TBCD: variants seen among roughly 807,000 people sequenced by gnomAD.
TBCD encodes tubulin folding cofactor D.
TBCD carries 105 observed loss-of-function variants against 169.3 expected under a neutral mutation model. That is an observed-to-expected ratio of 0.62 (90% CI 0.53 to 0.73). The LOEUF (loss-of-function observed/expected upper bound fraction) is 0.73. Ranked by LOEUF, TBCD falls within the 30% of genes least tolerant of loss-of-function variation. The probability of loss-of-function intolerance (pLI) is 0.00; values close to 1 mark genes in which losing one functional copy is unlikely to be tolerated. For missense variants in TBCD, 1,444 were observed against 1,600.1 expected, an observed-to-expected ratio of 0.90 and a Z score of 1.66; for synonymous variants, 700 against 643.9, an observed-to-expected ratio of 1.09 and a Z score of -1.32.
In TBCD at chr17:82,890,593, C is replaced by A. The variant is rs552193970; in HGVS notation, c.1563+896C>A. On this transcript the variant is annotated intron_variant, in intron 16 of 38. Transcript: ENST00000355528. The surrounding 1 kb of genome is among the most constrained non-coding windows in gnomAD (Gnocchi z 5.3). ...GGAGAGGCGGGCGGACGAGGACTTG[C>A]GCCTGTTATTGAAATGGTTCTGGAG... Among the ~76,000 whole-genome samples, 1 of 152,050 alleles carries A rather than the reference C, an allele frequency of 6.6e-6. No individual in the cohort carries two copies. The highest frequency in any genetic ancestry group is 1.5e-5 in the Non-Finnish European group (1 of 68,008).
At chr17:82,904,749 CG>C (rs2060118935) in intron 19 of TBCD, among the ~76,000 whole-genome samples, 1 of 152,064 alleles carries the variant, frequency 6.6e-6, no homozygotes, top group Non-Finnish European at 1.5e-5. Context: ...TGTGGGGGCT[CG>C]TTCATTCCTA....
chr17:82,768,617 C>A, intron 5 of TBCD, 51 bp downstream of exon 5: 2 of 1,593,008 alleles, frequency 1.3e-6, no homozygotes, highest in South Asian at 1.1e-5. Context: ...CTTTCATGTT[C>A]ATGCTGTCTT....
At chr17:82,827,067 G>A (rs1598741423) in intron 13 of TBCD, among the ~76,000 whole-genome samples, 4 of 152,178 alleles carry the variant, frequency 2.6e-5, no homozygotes, top group Admixed American at 1.3e-4. Flanking sequence ...CACTACGCCC[G>A]GCCCCTATTT....
chr17:82,762,957 A>G (rs903412353), intron 2 of TBCD, among the ~76,000 whole-genome samples: 1 of 152,126 alleles, frequency 6.6e-6, no homozygotes, highest in South Asian at 2.1e-4. Context: ...GTTGTTTTCC[A>G]TGTATGAAGA....
At chr17:82,870,061 G>A (rs1438641801) in intron 13 of TBCD, among the ~76,000 whole-genome samples, 163 bp from the exon 14 acceptor site, 1 of 152,226 alleles carries the variant, frequency 6.6e-6, no homozygotes, top group African/African-American at 2.4e-5. Flanking sequence ...CAGGCCGTGG[G>A]TCTAACAGGA....
intron 11 of TBCD, among the ~76,000 whole-genome samples, chr17:82,808,093 G>C (rs1468107502): frequency 6.6e-6 from 1 of 152,178 alleles, no homozygotes; most frequent in African/African-American, 2.4e-5. Flanking sequence ...ATACCTGTGG[G>C]AGTCGACATG....
chr17:82,836,571 A>G (rs775205302), intron 13 of TBCD, among the ~76,000 whole-genome samples: 3 of 151,882 alleles, frequency 2.0e-5, no homozygotes, highest in Non-Finnish European at 4.4e-5. Flanking sequence ...CATTGCTGAT[A>G]CCTCTAGCGC....
intron 32 of TBCD, 54 bp downstream of exon 32, chr17:82,929,554 G>A (rs1278168641): frequency 3.1e-6 from 5 of 1,595,918 alleles, no homozygotes; most frequent in Non-Finnish European, 3.4e-6. Context: ...AGTGCCTGGT[G>A]CTTCCCTGTC....
At chr17:82,772,424 C>T (rs751704929) in intron 5 of TBCD, 28 bp from the exon 6 acceptor site, 27 of 1,613,390 alleles carry the variant, frequency 1.7e-5, no homozygotes, top group Middle Eastern at 1.6e-4. Flanking sequence ...CAGGAGTGAC[C>T]GTGTCTGTGC....
At chr17:82,926,963 C>T (rs1470244726) in intron 28 of TBCD, 4 of 623,182 alleles carry the variant, frequency 6.4e-6, no homozygotes, top group Non-Finnish European at 1.1e-5. Context: ...CAGGGGGCGT[C>T]CCCATCCACC....
At chr17:82,905,139 A>C (rs2060148226) in intron 19 of TBCD, among the ~76,000 whole-genome samples, 1 of 152,156 alleles carries the variant, frequency 6.6e-6, no homozygotes, top group Non-Finnish European at 1.5e-5. Flanking sequence ...CTCAGAGTAG[A>C]GGCACCACCC....
intron 21 of TBCD, 102 bp from the exon 22 acceptor site, chr17:82,909,183 C>A: frequency 9.9e-7 from 1 of 1,005,270 alleles, no homozygotes; most frequent in South Asian, 1.7e-5. Flanking sequence ...GGCATGGCAT[C>A]TTCTGCCATT....
intron 26 of TBCD, 59 bp from the exon 27 acceptor site, chr17:82,924,880 T>G: frequency 7.3e-7 from 1 of 1,376,338 alleles, no homozygotes; most frequent in Non-Finnish European, 1.0e-6. Flanking sequence ...ACACGTCGGG[T>G]GTGGCTGTAC....
chr17:82,829,419 T>TA (rs35156590), intron 13 of TBCD: 55,685 of 154,496 alleles, frequency 0.36, 10,358 homozygotes, highest in Admixed American at 0.4. Context: ...CATTGACTGT[T>TA]ACGGCAAAAT....
Position 82,893,628 on chromosome 17 carries a change from A to G in TBCD, c.1645A>G (p.Ile549Val). Residue 549 changes from isoleucine to valine, a missense_variant, in exon 17 of 39, where the codon ATA becomes GTA. Physicochemically the swap from Ile to Val is conservative, Grantham distance 29 (BLOSUM62 3). Coordinates refer to ENST00000355528, the MANE Select transcript of TBCD (RefSeq NM_005993.5). ...TAACAGATCCAACTGTTTCCTGGTT[A>G]TAAGGTAAGTCTTTAATGTATATCA... Reference protein sequence around the residue: ...VGNRSNCFLVISVFIAGFPEY... With the variant: ...VGNRSNCFLVVSVFIAGFPEY... 2 of 1,603,928 alleles carry G rather than the reference A, an allele frequency of 1.2e-6. No homozygotes were observed. The highest frequency in any genetic ancestry group is 1.7e-5 in the Admixed American group (1 of 58,636).
chr17:82,839,008 A>G (rs565099486), intron 13 of TBCD: 1 of 981,722 alleles, frequency 1.0e-6, no homozygotes, highest in East Asian at 1.1e-4. Context: ...ATTTCATATA[A>G]GGAAAAAAAC....
intron 20 of TBCD, among the ~76,000 whole-genome samples, chr17:82,907,061 C>T (rs2060300118): frequency 6.6e-6 from 1 of 152,244 alleles, no homozygotes; most frequent in Non-Finnish European, 1.5e-5. Context: ...CCAGGCTAGA[C>T]TGGGGTCTGG....
At chr17:82,918,212 T>C (rs1300802422) in intron 23 of TBCD, 2 of 152,414 alleles carry the variant, frequency 1.3e-5, no homozygotes, top group Admixed American at 6.5e-5. Flanking sequence ...GCTTCATGTG[T>C]GTGTGGAGTG....
rs574709409 is a variant in TBCD, at chr17:82,885,282, C to T, written c.1533+1080C>T. On this transcript the variant is annotated intron_variant, in intron 15 of 38. Coordinates refer to ENST00000355528, the MANE Select transcript of TBCD (RefSeq NM_005993.5). ...GTGTGTGGCCCCTGGTGAGTGGGGC[C>T]GTGCAGGTGCAGTGTTGGTTCTCTC... is the stretch of plus-strand genomic sequence containing the variant. Among the ~76,000 whole-genome samples, 19 of 152,164 alleles carry T rather than the reference C, an allele frequency of 1.2e-4. No individual in the cohort carries two copies. The South Asian group carries it at 2.1e-3, about 17-fold the overall frequency.
Sources: gnomAD v4.1 joint callset for allele counts (sites outside exome capture counted in the v4.1 genomes callset) on GRCh38, gnomAD v4.1.1 for gene constraint, Gnocchi (gnomAD v3.1) non-coding constraint, MANE v1.5 for transcripts, NCBI Gene and HGNC (gene_info 2026-07-23, HGNC 2026-07-21) for gene names.